ANXA8: variants seen among roughly 807,000 people sequenced by gnomAD.
The protein encoded by ANXA8 is annexin A8.
Under a neutral mutation model 26.8 loss-of-function variants are expected in ANXA8, and 9 were observed. The ratio of observed to expected loss-of-function variants is 0.34; its 90% CI spans 0.20 to 0.59. ANXA8 has a LOEUF of 0.59. ANXA8 is among the 20% of genes least tolerant of loss of function. The probability of loss-of-function intolerance (pLI) is 0.84; values close to 1 mark genes in which losing one functional copy is unlikely to be tolerated. For synonymous variants in ANXA8, 39 were observed against 94.8 expected, an observed-to-expected ratio of 0.41 and a Z score of 3.42; for missense variants, 83 against 238.5, an observed-to-expected ratio of 0.35 and a Z score of 4.29.
the ANXA8 span, among the ~76,000 whole-genome samples, chr10:47,672,342 T>A: frequency 6.6e-6 from 1 of 151,840 alleles, no homozygotes; most frequent in African/African-American, 2.4e-5. Flanking sequence ...CTGGAAAAAG[T>A]ATATATGTTA....
chr10:47,497,128 T>C, the ANXA8 span, among the ~76,000 whole-genome samples: 121 of 131,124 alleles, frequency 9.2e-4, no homozygotes, highest in East Asian at 2.2e-3. Context: ...CAAAACCAGC[T>C]TGATCAACAT....
chr10:47,506,840 C>T, the ANXA8 span, among the ~76,000 whole-genome samples: 35,465 of 132,834 alleles, frequency 0.27, 5,132 homozygotes, highest in South Asian at 0.49. Flanking sequence ...GGGGTTTCGC[C>T]GTGTTAGCCA....
chr10:47,548,819 T>A, the ANXA8 span, among the ~76,000 whole-genome samples: 4 of 152,094 alleles, frequency 2.6e-5, no homozygotes, highest in African/African-American at 7.2e-5. Flanking sequence ...AAGGGTCCCA[T>A]CTTCACACAA....
chr10:47,991,439 G>C, the ANXA8 span, among the ~76,000 whole-genome samples: 1 of 109,060 alleles, frequency 9.2e-6, no homozygotes, highest in Non-Finnish European at 1.9e-5. Context: ...CTTCCCCCTT[G>C]CATTTCTAGA....
chr10:47,937,374 T>C, the ANXA8 span, among the ~76,000 whole-genome samples: 9 of 149,806 alleles, frequency 6.0e-5, no homozygotes, highest in South Asian at 1.9e-3. Flanking sequence ...TTTCAAGAAT[T>C]TGTGCTCTTC....
At chr10:47,690,918 G>T in the ANXA8 span, 2 of 1,611,246 alleles carry the variant, frequency 1.2e-6, no homozygotes, top group South Asian at 2.2e-5. Context: ...AAATGAAGTT[G>T]ATTTCTAATG....
the ANXA8 span, among the ~76,000 whole-genome samples, chr10:47,744,147 C>T: frequency 1.0e-4 from 15 of 148,310 alleles, 1 homozygote; most frequent in Non-Finnish European, 1.9e-4. Flanking sequence ...ACAGCCTCCC[C>T]GGTGCTGCAC....
the ANXA8 span, among the ~76,000 whole-genome samples, chr10:47,651,104 T>C: frequency 6.6e-6 from 1 of 150,872 alleles, no homozygotes; most frequent in African/African-American, 2.4e-5. Context: ...GAAGCTGAGG[T>C]GGGAGGATCT....
chr10:47,553,023 T>C, the ANXA8 span, among the ~76,000 whole-genome samples: 1 of 152,050 alleles, frequency 6.6e-6, no homozygotes, highest in African/African-American at 2.4e-5. Context: ...TATCACCATA[T>C]GTCAAGGAAC....
the ANXA8 span, among the ~76,000 whole-genome samples, chr10:47,980,635 AG>A: frequency 6.7e-6 from 1 of 150,234 alleles, no homozygotes; most frequent in East Asian, 1.9e-4. Context: ...AGAATGAAAT[AG>A]GGCACACCAC....
the ANXA8 span, among the ~76,000 whole-genome samples, chr10:47,526,143 G>T: frequency 1.7e-5 from 2 of 120,478 alleles, no homozygotes; most frequent in Non-Finnish European, 3.4e-5. Flanking sequence ...GTCTCACTCT[G>T]TTGCCCAGGT....
the ANXA8 span, among the ~76,000 whole-genome samples, chr10:47,679,873 G>A: frequency 1.1e-4 from 16 of 152,032 alleles, no homozygotes; most frequent in East Asian, 5.8e-4. Context: ...AACTGTGTTC[G>A]TGCCACTGCA....
chr10:47,503,422 G>A, the ANXA8 span: 1 of 1,610,136 alleles, frequency 6.2e-7, no homozygotes, highest in South Asian at 1.1e-5. Flanking sequence ...TGTGTTGGCA[G>A]TGGGAGGAAC....
At chr10:47,666,962 C>T in the ANXA8 span, among the ~76,000 whole-genome samples, 3 of 152,024 alleles carry the variant, frequency 2.0e-5, no homozygotes, top group Non-Finnish European at 4.4e-5. Context: ...CTAACTCAAC[C>T]TAAACATTCT....
the ANXA8 span, among the ~76,000 whole-genome samples, chr10:47,521,795 T>C: frequency 4.6e-5 from 7 of 151,478 alleles, no homozygotes; most frequent in African/African-American, 1.7e-4. Context: ...CCTTTTTTTT[T>C]TGTGAGACGG....
the ANXA8 span, among the ~76,000 whole-genome samples, chr10:47,575,465 A>G: frequency 7.2e-6 from 1 of 138,184 alleles, no homozygotes; most frequent in Non-Finnish European, 1.6e-5. Flanking sequence ...GCTCACTGCA[A>G]CCCCCGCCTT....
At chr10:47,958,015 A>C in the ANXA8 span, among the ~76,000 whole-genome samples, 1 of 150,604 alleles carries the variant, frequency 6.6e-6, no homozygotes, top group African/African-American at 2.5e-5. Context: ...TATCCAAATA[A>C]GGTTATAGTC....
the ANXA8 span, chr10:47,690,568 G>A: frequency 1.2e-6 from 1 of 846,978 alleles, no homozygotes; most frequent in African/African-American, 1.8e-5. Flanking sequence ...AATACCTGAA[G>A]AGAATTCGAT....
chr10:47,652,917 A>C, the ANXA8 span, among the ~76,000 whole-genome samples: 1 of 151,240 alleles, frequency 6.6e-6, no homozygotes, highest in Admixed American at 6.6e-5. Flanking sequence ...CTTAGCCAAA[A>C]GTCTGAGTAG....
Sources: gnomAD v4.1 joint callset for allele counts (sites outside exome capture counted in the v4.1 genomes callset) on GRCh38, gnomAD v4.1.1 for gene constraint, MANE v1.5 for transcripts, NCBI Gene and HGNC (gene_info 2026-07-23, HGNC 2026-07-21) for gene names.